UBE2E2: variants seen among roughly 807,000 people sequenced by gnomAD.
UBE2E2 encodes ubiquitin conjugating enzyme E2 E2.
UBE2E2 carries 6 observed loss-of-function variants against 24.7 expected under a neutral mutation model. That is an observed-to-expected ratio of 0.24 (90% CI 0.13 to 0.48). UBE2E2 has a LOEUF of 0.48. Among genes scored for constraint, UBE2E2 ranks in the 20% least tolerant of loss-of-function variants. The pLI is 0.99. For missense variants in UBE2E2, 169 were observed against 245.0 expected, an observed-to-expected ratio of 0.69 and a Z score of 2.07; for synonymous variants, 104 against 83.6, an observed-to-expected ratio of 1.24 and a Z score of -1.33.
intron 3 of UBE2E2, among the ~76,000 whole-genome samples, chr3:23,393,499 A>G (rs1174917447): frequency 7.2e-5 from 11 of 152,224 alleles, no homozygotes. Flanking sequence ...TTATAGAGTC[A>G]GAAACCCTGG....
At chr3:23,223,037 T>C (rs1696703307) in intron 3 of UBE2E2, among the ~76,000 whole-genome samples, 1 of 134,670 alleles carries the variant, frequency 7.4e-6, no homozygotes, top group South Asian at 3.0e-4. Context: ...TTTTTTTTTT[T>C]TTTGAGTTGT....
At chr3:23,305,791 A>G (rs550101991) in intron 3 of UBE2E2, among the ~76,000 whole-genome samples, 1 of 152,242 alleles carries the variant, frequency 6.6e-6, no homozygotes, top group South Asian at 2.1e-4. Flanking sequence ...GTATAGTGGT[A>G]TAATCACAGC....
chr3:23,295,608 T>C (rs948137547), intron 3 of UBE2E2, among the ~76,000 whole-genome samples: 3 of 152,206 alleles, frequency 2.0e-5, no homozygotes, highest in Non-Finnish European at 4.4e-5. Context: ...TTATGTGAAA[T>C]ATCTCAGATT....
At chr3:23,531,850 T>G (rs1314498027) in intron 4 of UBE2E2, among the ~76,000 whole-genome samples, 3 of 152,060 alleles carry the variant, frequency 2.0e-5, no homozygotes, top group African/African-American at 7.2e-5. Context: ...TGACTTGAGG[T>G]CAGGAGTTCA....
chr3:23,237,600 T>C (rs1232854941), intron 3 of UBE2E2, among the ~76,000 whole-genome samples: 1 of 152,170 alleles, frequency 6.6e-6, no homozygotes, highest in Non-Finnish European at 1.5e-5. Flanking sequence ...ATTTTTCATG[T>C]ATACAACACT....
chr3:23,489,958 G>A (rs1228248614), intron 3 of UBE2E2, among the ~76,000 whole-genome samples: 2 of 152,058 alleles, frequency 1.3e-5, no homozygotes, highest in African/African-American at 4.8e-5. Flanking sequence ...CACTGCTGAA[G>A]TGAGTCATTT....
At chr3:23,346,174 C>G (rs969584697) in intron 3 of UBE2E2, among the ~76,000 whole-genome samples, 1 of 152,154 alleles carries the variant, frequency 6.6e-6, no homozygotes, top group African/African-American at 2.4e-5. Context: ...AAGACAAACT[C>G]AGAGCCTGTT....
intron 3 of UBE2E2, among the ~76,000 whole-genome samples, chr3:23,496,112 A>G (rs1350042571): frequency 1.3e-5 from 2 of 152,224 alleles, no homozygotes; most frequent in Non-Finnish European, 2.9e-5. Flanking sequence ...TCCATAAATA[A>G]TATAAAATAT....
intron 3 of UBE2E2, among the ~76,000 whole-genome samples, chr3:23,483,069 G>C (rs1416393989): frequency 6.6e-6 from 1 of 152,182 alleles, no homozygotes; most frequent in Admixed American, 6.5e-5. Context: ...CTCTTAAACA[G>C]AAAGGTAGTG....
intron 3 of UBE2E2, among the ~76,000 whole-genome samples, chr3:23,271,468 G>A (rs1382206495): frequency 6.6e-6 from 1 of 152,216 alleles, no homozygotes; most frequent in African/African-American, 2.4e-5. Flanking sequence ...GGGGACCCGA[G>A]TGGGTTGCTG....
chr3:23,366,396 G>A (rs1232558162), intron 3 of UBE2E2, among the ~76,000 whole-genome samples: 1 of 152,122 alleles, frequency 6.6e-6, no homozygotes, highest in African/African-American at 2.4e-5. Context: ...GCAAAGTCTT[G>A]GAATCAACCT....
intron 5 of UBE2E2, among the ~76,000 whole-genome samples, chr3:23,572,583 A>G (rs1358882504): frequency 6.6e-6 from 1 of 152,022 alleles, no homozygotes; most frequent in South Asian, 2.1e-4. Context: ...TCCCATCTTT[A>G]CATCTGTGTG....
chr3:23,430,068 T>G (rs1417247253), intron 3 of UBE2E2, among the ~76,000 whole-genome samples: 1 of 152,100 alleles, frequency 6.6e-6, no homozygotes, highest in Non-Finnish European at 1.5e-5. Flanking sequence ...TTATTAATCA[T>G]GGTTATAGTA....
intron 3 of UBE2E2, among the ~76,000 whole-genome samples, chr3:23,241,862 C>T (rs1697267998): frequency 6.6e-6 from 1 of 152,136 alleles, no homozygotes; most frequent in African/African-American, 2.4e-5. Context: ...CCTCAGAAGC[C>T]TGCCACATCT....
chr3:23,312,886 G>T (rs1001145390), intron 3 of UBE2E2, among the ~76,000 whole-genome samples: 3 of 152,000 alleles, frequency 2.0e-5, no homozygotes, highest in African/African-American at 4.8e-5. Context: ...TAATTTCCAT[G>T]TGTTTATATA....
At chr3:23,226,743 G>A (rs1001336478) in intron 3 of UBE2E2, among the ~76,000 whole-genome samples, 1 of 152,100 alleles carries the variant, frequency 6.6e-6, no homozygotes, top group Non-Finnish European at 1.5e-5. Context: ...AGATTTGTTA[G>A]GACTTTCTAG....
chr3:23,560,406 T>G (rs917538080), intron 5 of UBE2E2, among the ~76,000 whole-genome samples: 6 of 152,178 alleles, frequency 3.9e-5, no homozygotes, highest in Non-Finnish European at 8.8e-5. Flanking sequence ...TCATCCTTTT[T>G]TATGGCTGCA....
intron 3 of UBE2E2, among the ~76,000 whole-genome samples, chr3:23,298,069 T>G (rs4538320): frequency 6.6e-6 from 1 of 151,612 alleles, no homozygotes; most frequent in Non-Finnish European, 1.5e-5. Context: ...GGAGTTCACT[T>G]ATGATTTGGC....
chr3:23,579,091 C>A (rs187994144), intron 5 of UBE2E2, among the ~76,000 whole-genome samples: 3 of 152,254 alleles, frequency 2.0e-5, no homozygotes, highest in Admixed American at 2.0e-4. Context: ...GCTTTCAATT[C>A]TTATTATTTA....
Sources: gnomAD v4.1 joint callset for allele counts (sites outside exome capture counted in the v4.1 genomes callset) on GRCh38, gnomAD v4.1.1 for gene constraint, MANE v1.5 for transcripts, NCBI Gene and HGNC (gene_info 2026-07-23, HGNC 2026-07-21) for gene names.